PDE4B: variants seen among roughly 807,000 people sequenced by gnomAD.
The protein encoded by PDE4B is phosphodiesterase 4B, also known as 3',5'-cyclic-AMP phosphodiesterase 4B.
A neutral mutation model predicts 82.2 loss-of-function variants in PDE4B; 20 were observed. The observed-to-expected ratio is 0.24, with a 90% confidence interval of 0.17 to 0.35. The LOEUF (loss-of-function observed/expected upper bound fraction) is 0.35, where lower values mean the gene tolerates loss of function less well. Among genes scored for constraint, PDE4B ranks in the 10% least tolerant of loss-of-function variants. The pLI, the probability that PDE4B is intolerant of heterozygous loss-of-function variation, is 1.00. For synonymous variants in PDE4B, 320 were observed against 318.9 expected, an observed-to-expected ratio of 1.00 and a Z score of -0.04; for missense variants, 655 against 907.2, an observed-to-expected ratio of 0.72 and a Z score of 3.57.
chr1:65,819,842 C>T (rs116283662), intron 1 of PDE4B, among the ~76,000 whole-genome samples: 1,625 of 152,160 alleles, frequency 0.011, 33 homozygotes, highest in African/African-American at 0.038. Context: ...AAATTAGTTG[C>T]TGTGACTGTA....
At chr1:65,829,288 T>C (rs911901762) in intron 1 of PDE4B, among the ~76,000 whole-genome samples, 3 of 152,166 alleles carry the variant, frequency 2.0e-5, no homozygotes, top group African/African-American at 7.2e-5. Context: ...TGTATGCTTG[T>C]GATGTGACCT....
intron 3 of PDE4B, among the ~76,000 whole-genome samples, chr1:66,144,379 G>C (rs1426593459): frequency 6.6e-6 from 1 of 152,144 alleles, no homozygotes; most frequent in East Asian, 1.9e-4. Context: ...GCGCGTCAAA[G>C]TTAATCATAA....
At chr1:65,969,665 A>G (rs953135462) in intron 3 of PDE4B, among the ~76,000 whole-genome samples, 1 of 152,154 alleles carries the variant, frequency 6.6e-6, no homozygotes, top group African/African-American at 2.4e-5. Context: ...ATTTGTGACA[A>G]TATTTGTAAT....
intron 1 of PDE4B, among the ~76,000 whole-genome samples, chr1:65,806,683 G>A (rs2101181890): frequency 6.6e-6 from 1 of 152,254 alleles, no homozygotes; most frequent in Admixed American, 6.5e-5. Context: ...TGTGATTCCT[G>A]CTTTGGGGAT....
chr1:66,343,754 A>C (rs1318265509), intron 8 of PDE4B, among the ~76,000 whole-genome samples: 1 of 152,232 alleles, frequency 6.6e-6, no homozygotes, highest in African/African-American at 2.4e-5. Context: ...TTGATCATTT[A>C]AGAAATTTGT....
chr1:65,833,857 A>G (rs1380192374), intron 1 of PDE4B, among the ~76,000 whole-genome samples: 1 of 152,216 alleles, frequency 6.6e-6, no homozygotes, highest in Non-Finnish European at 1.5e-5. Context: ...TTACAATTAA[A>G]TTATATCAAA....
intron 3 of PDE4B, among the ~76,000 whole-genome samples, chr1:66,122,003 C>T (rs1289218918): frequency 6.6e-6 from 1 of 151,960 alleles, no homozygotes; most frequent in Admixed American, 6.6e-5. Flanking sequence ...TTCTTCCTTT[C>T]CTCCTTCTGT....
chr1:66,026,736 A>G (rs969705099), intron 3 of PDE4B, among the ~76,000 whole-genome samples: 3 of 152,152 alleles, frequency 2.0e-5, no homozygotes, highest in Admixed American at 1.3e-4. Flanking sequence ...TCATTGCCAG[A>G]CTCCACTTCA....
intron 3 of PDE4B, among the ~76,000 whole-genome samples, chr1:66,004,839 T>G (rs1288149853): frequency 6.6e-6 from 1 of 152,018 alleles, no homozygotes. Context: ...ATTTATTTGT[T>G]TATTTATTTA....
chr1:66,121,800 A>G (rs1030863668), intron 3 of PDE4B, among the ~76,000 whole-genome samples: 1 of 152,222 alleles, frequency 6.6e-6, no homozygotes, highest in South Asian at 2.1e-4. Flanking sequence ...GGCATCTTTC[A>G]CAGAATTATG....
chr1:66,184,488 G>T (rs1647138803), intron 3 of PDE4B, among the ~76,000 whole-genome samples: 1 of 152,104 alleles, frequency 6.6e-6, no homozygotes, highest in South Asian at 2.1e-4. Context: ...AAAAGCTATG[G>T]GTTAGAACCA....
chr1:66,366,081 A>G (rs17128846), intron 13 of PDE4B, among the ~76,000 whole-genome samples: 3,106 of 152,268 alleles, frequency 0.02, 101 homozygotes, highest in African/African-American at 0.072. Context: ...TGGGGATCCC[A>G]TGATAATGAC....
intron 8 of PDE4B, among the ~76,000 whole-genome samples, chr1:66,347,750 T>A (rs115381144): frequency 9.4e-4 from 143 of 152,284 alleles, no homozygotes; most frequent in African/African-American, 3.2e-3. Context: ...GTATTCTACA[T>A]GGTATTTTTA....
At chr1:66,312,245 C>T (rs1459088736) in intron 7 of PDE4B, among the ~76,000 whole-genome samples, 2 of 152,180 alleles carry the variant, frequency 1.3e-5, no homozygotes, top group Non-Finnish European at 2.9e-5. Context: ...GAAGGTTTGG[C>T]TCACATGGGT....
chr1:66,203,934 A>G (rs1649283245), intron 3 of PDE4B, among the ~76,000 whole-genome samples: 1 of 151,926 alleles, frequency 6.6e-6, no homozygotes, highest in Non-Finnish European at 1.5e-5. Context: ...TGCTTTTTAG[A>G]GTTTCCAGTT....
chr1:66,360,219 A>C (rs1020777804), intron 9 of PDE4B, among the ~76,000 whole-genome samples: 1 of 152,184 alleles, frequency 6.6e-6, no homozygotes, highest in African/African-American at 2.4e-5. Flanking sequence ...CAAAAGTCAT[A>C]GGCTTGTGAG....
chr1:66,043,802 T>C (rs1654529842), intron 3 of PDE4B, among the ~76,000 whole-genome samples: 1 of 151,718 alleles, frequency 6.6e-6, no homozygotes, highest in African/African-American at 2.4e-5. Flanking sequence ...GCAACAGGAT[T>C]GTGTTCTCTA....
At chr1:66,185,667 G>C (rs36183827) in intron 3 of PDE4B, among the ~76,000 whole-genome samples, 28,731 of 152,070 alleles carry the variant, frequency 0.19, 2,841 homozygotes, top group Non-Finnish European at 0.22. Flanking sequence ...TATCTTCTTC[G>C]CCCACTGGTT....
intron 3 of PDE4B, among the ~76,000 whole-genome samples, chr1:65,983,406 T>C (rs1650790083): frequency 1.3e-5 from 2 of 152,140 alleles, no homozygotes; most frequent in South Asian, 4.1e-4. Context: ...GGATGGACGT[T>C]TATGGGTTTG....
Sources: gnomAD v4.1 joint callset for allele counts (sites outside exome capture counted in the v4.1 genomes callset) on GRCh38, gnomAD v4.1.1 for gene constraint, MANE v1.5 for transcripts, NCBI Gene and HGNC (gene_info 2026-07-23, HGNC 2026-07-21) for gene names.